The following ZNRF1 variants were observed in gnomAD, a reference collection of about 807,000 sequenced individuals.
ZNRF1 encodes the protein E3 ubiquitin-protein ligase ZNRF1.
Under a neutral mutation model 18.4 loss-of-function variants are expected in ZNRF1, and 3 were observed. That is an observed-to-expected ratio of 0.16 (90% CI 0.07 to 0.42). The LOEUF (loss-of-function observed/expected upper bound fraction) is 0.42. ZNRF1 is among the 10% of genes least tolerant of loss of function. ZNRF1 has a pLI of 0.99. For synonymous variants in ZNRF1, 157 were observed against 144.2 expected, an observed-to-expected ratio of 1.09 and a Z score of -0.64; for missense variants, 310 against 329.8, an observed-to-expected ratio of 0.94 and a Z score of 0.47.
At chr16:75,009,669 C>G (rs565212634) in intron 1 of ZNRF1, among the ~76,000 whole-genome samples, 4 of 152,308 alleles carry the variant, frequency 2.6e-5, no homozygotes, top group African/African-American at 7.2e-5. Context: ...GGAATTGCTC[C>G]ATCATTTGGT....
chr16:75,068,528 A>G (rs1385720913), intron 1 of ZNRF1, among the ~76,000 whole-genome samples: 2 of 151,988 alleles, frequency 1.3e-5, no homozygotes, highest in South Asian at 2.1e-4. Flanking sequence ...CGGATTGTCT[A>G]CTTGATTGGT....
intron 2 of ZNRF1, among the ~76,000 whole-genome samples, chr16:75,096,606 C>G (rs1223480252): frequency 1.3e-5 from 2 of 152,176 alleles, no homozygotes; most frequent in Admixed American, 6.5e-5. Context: ...TGAAGATTCA[C>G]TAGAACTCCT....
At chr16:75,025,533 A>C (rs948774888) in intron 1 of ZNRF1, among the ~76,000 whole-genome samples, 5 of 152,104 alleles carry the variant, frequency 3.3e-5, no homozygotes, top group African/African-American at 1.2e-4. Flanking sequence ...TTTGGCCACA[A>C]TTTCTCTATG....
Position 75,020,837 on chromosome 16 carries a change from C to T in ZNRF1, c.424+20742C>T, listed in dbSNP as rs537633132. ...GATTACAGGCGTGAGCCACCGCGCCCGGCCCCTTCAGTCTTTTCTTAGAAA... is the reference window on the plus strand; with the variant it reads ...GATTACAGGCGTGAGCCACCGCGCCTGGCCCCTTCAGTCTTTTCTTAGAAA... On this transcript the variant is annotated intron_variant, in intron 1 of 4. Coordinates refer to ENST00000335325, the MANE Select transcript of ZNRF1 (RefSeq NM_032268.5). Among the ~76,000 whole-genome samples the T allele has an allele frequency of 5.9e-5, 9 of 151,904 alleles. No homozygotes were observed. The South Asian group carries it at 8.3e-4, about 14-fold the overall frequency.
chr16:75,061,569 G>T (rs9806974), intron 1 of ZNRF1, among the ~76,000 whole-genome samples: 129,268 of 136,444 alleles, frequency 0.95, 61,697 homozygotes, highest in Non-Finnish European at 1. Context: ...GATCTCACTC[G>T]TTTTTATGGG....
intron 1 of ZNRF1, among the ~76,000 whole-genome samples, chr16:75,022,022 A>G (rs1485182537): frequency 3.3e-5 from 5 of 151,932 alleles, no homozygotes; most frequent in Non-Finnish European, 5.9e-5. Flanking sequence ...ATGCTTTACT[A>G]TGGGTAATTC....
chr16:75,039,998 G>A (rs550941297), intron 1 of ZNRF1, among the ~76,000 whole-genome samples: 2 of 144,652 alleles, frequency 1.4e-5, no homozygotes, highest in South Asian at 2.2e-4. Flanking sequence ...TAAATATATA[G>A]TTATGAAACC....
chr16:75,016,321 C>T (rs1248389130), intron 1 of ZNRF1, among the ~76,000 whole-genome samples: 1 of 151,400 alleles, frequency 6.6e-6, no homozygotes, highest in Non-Finnish European at 1.5e-5. Context: ...TCACTGCAAC[C>T]TCCACCTCCC....
intron 1 of ZNRF1, among the ~76,000 whole-genome samples, chr16:75,049,125 C>T (rs372529126): frequency 6.6e-6 from 1 of 152,000 alleles, no homozygotes; most frequent in Non-Finnish European, 1.5e-5. Flanking sequence ...CTGCCTCAGC[C>T]TCCTGAATAG....
chr16:75,007,121 G>A (rs1163501701), intron 1 of ZNRF1, among the ~76,000 whole-genome samples: 3 of 149,822 alleles, frequency 2.0e-5, no homozygotes, highest in South Asian at 2.1e-4. Context: ...GCAGTGGCAC[G>A]ATCATGGCTC....
intron 2 of ZNRF1, among the ~76,000 whole-genome samples, chr16:75,093,949 A>C (rs1281810364): frequency 6.6e-6 from 1 of 152,206 alleles, no homozygotes; most frequent in African/African-American, 2.4e-5. Flanking sequence ...TCTGCAACTC[A>C]GTTCTGAGGA....
chr16:75,007,677 C>A (rs897727494), intron 1 of ZNRF1, among the ~76,000 whole-genome samples: 1 of 152,138 alleles, frequency 6.6e-6, no homozygotes, highest in Non-Finnish European at 1.5e-5. Flanking sequence ...GACTGGACCC[C>A]ACTCACAGAA....
intron 1 of ZNRF1, chr16:75,000,371 A>G: frequency 1.6e-6 from 1 of 630,042 alleles, no homozygotes; most frequent in Non-Finnish European, 2.9e-6. Flanking sequence ...TATTGGCATC[A>G]CCCTCCTCAG....
At chr16:75,103,858 G>A (rs967626562) in intron 2 of ZNRF1, among the ~76,000 whole-genome samples, 8 of 152,110 alleles carry the variant, frequency 5.3e-5, no homozygotes, top group Non-Finnish European at 7.4e-5. Flanking sequence ...GGTGGTGGGC[G>A]CCTGTAATCC....
intron 1 of ZNRF1, among the ~76,000 whole-genome samples, chr16:75,026,994 C>T (rs760538926): frequency 2.6e-5 from 4 of 152,086 alleles, no homozygotes; most frequent in Non-Finnish European, 5.9e-5. Flanking sequence ...AAATGCTTAA[C>T]ATTCAATTAT....
chr16:75,002,271 A>G (rs1319753566), intron 1 of ZNRF1: 1 of 152,248 alleles, frequency 6.6e-6, no homozygotes, highest in East Asian at 1.9e-4. Context: ...CATTGGTTCC[A>G]TCTCACCTGA....
At chr16:75,091,263 G>A (rs984561111) in intron 1 of ZNRF1, among the ~76,000 whole-genome samples, 11 of 151,808 alleles carry the variant, frequency 7.2e-5, no homozygotes, top group Admixed American at 2.0e-4. Context: ...GGAGGCTGAG[G>A]TGGGAGACTC....
At chr16:75,088,355 T>A (rs771576873) in intron 1 of ZNRF1, among the ~76,000 whole-genome samples, 9 of 152,180 alleles carry the variant, frequency 5.9e-5, no homozygotes, top group Non-Finnish European at 1.2e-4. Flanking sequence ...ATTTAAAAGG[T>A]CATCTGCAGA....
chr16:75,051,520 CT>C lies in ZNRF1; in HGVS notation c.425-42041del, dbSNP rs760226539. Among the ~76,000 whole-genome samples the C allele has an allele frequency of 5.4e-4, 77 of 141,850 alleles. 3 individuals are homozygous for C. In the South Asian group the frequency reaches 9.6e-3, roughly 18 times the overall value. 93.1% of individuals were successfully genotyped at this position (141,850 alleles called of 152,430 possible). ...CACCGCATCCAGCCTGCATCTTCCC[CT>C]TTTTTTTTTTGGGGGGGACGGAGTC... On this transcript the variant is annotated intron_variant, in intron 1 of 4. Transcript: ENST00000335325.
Sources: gnomAD v4.1 joint callset for allele counts (sites outside exome capture counted in the v4.1 genomes callset) on GRCh38, gnomAD v4.1.1 for gene constraint, MANE v1.5 for transcripts, NCBI Gene and HGNC (gene_info 2026-07-23, HGNC 2026-07-21) for gene names.